ZNF316: variants seen among roughly 807,000 people sequenced by gnomAD.
The protein encoded by ZNF316 is zinc finger protein 316.
A neutral mutation model predicts 75.6 loss-of-function variants in ZNF316; 23 were observed. That is an observed-to-expected ratio of 0.30 (90% CI 0.22 to 0.43). ZNF316 has a LOEUF of 0.43. ZNF316 is among the 20% of genes least tolerant of loss of function. The pLI is 1.00. For synonymous variants in ZNF316, 827 were observed against 666.2 expected, an observed-to-expected ratio of 1.24 and a Z score of -3.72; for missense variants, 1,266 against 1,409.4, an observed-to-expected ratio of 0.90 and a Z score of 1.63.
At position 6,644,473 on chromosome 7, in the gene ZNF316, C is replaced by CT. The variant is rs1296110471; in HGVS notation, c.593-6dup. 8.1e-7 allele frequency: 1 copy of CT among 1,231,070 alleles called. No individual in the cohort carries two copies. The highest frequency in any genetic ancestry group is 1.6e-5 in the African/African-American group (1 of 64,042). The allele number at this position is 1,231,070 out of a possible 1,614,324, so 76.3% of individuals were successfully genotyped here. On this transcript the variant is annotated splice_polypyrimidine_tract_variant and splice_region_variant and intron_variant, in intron 7 of 8. Coordinates refer to ENST00000382252, the MANE Select transcript of ZNF316 (RefSeq NM_001278559.2). ...CCGCCTGCAGCCGCCGTCTGTTCTC[C>CT]TGGCAGGATACCCAATTCCCAAGCC...
At chr7:6,644,755 C>T (rs539896168) in intron 8 of ZNF316, among the ~76,000 whole-genome samples, 162 bp downstream of exon 8, 1 of 152,266 alleles carries the variant, frequency 6.6e-6, no homozygotes, top group African/African-American at 2.4e-5. Flanking sequence ...CAGAAAGGTC[C>T]GAGGGCTGTA....
At chr7:6,641,990 G>C (rs1779318866) in intron 4 of ZNF316, 28 bp downstream of exon 4, 1 of 160,168 alleles carries the variant, frequency 6.2e-6, no homozygotes, top group Non-Finnish European at 1.4e-5. Flanking sequence ...CTGTGTATCA[G>C]GTGGGCTTTT....
At position 6,639,004 on chromosome 7, in the gene ZNF316, T is replaced by A. The variant is rs558160013; in HGVS notation, c.-266-38T>A. 2 of 152,218 alleles carry A rather than the reference T, an allele frequency of 1.3e-5. No homozygotes were observed. Among genetic ancestry groups the A allele is most frequent in the Non-Finnish European group, 2.9e-5 (2 of 68,068 alleles). 9.4% of individuals were successfully genotyped at this position (152,218 alleles called of 1,614,324 possible). ...AAACCATTATGTTCTGAATCTTGGG[T>A]TGGGGACGATGTCTGGCTGTGCTTC... On this transcript the variant is annotated intron_variant, in intron 2 of 8. Coordinates refer to ENST00000382252, the MANE Select transcript of ZNF316 (RefSeq NM_001278559.2). The surrounding 1 kb of genome is among the most constrained non-coding windows in gnomAD (Gnocchi z 4.2).
intron 8 of ZNF316, among the ~76,000 whole-genome samples, chr7:6,647,989 G>A (rs1476681516): frequency 6.6e-6 from 1 of 152,210 alleles, no homozygotes; most frequent in African/African-American, 2.4e-5. Flanking sequence ...TGTGCTGCTG[G>A]GGACATTGGT....
At position 6,654,617 on chromosome 7, in the gene ZNF316, C is replaced by G. The variant is rs896805911; in HGVS notation, c.*6C>G. On this transcript the variant is annotated 3_prime_UTR_variant, in exon 9 of 9. Transcript: ENST00000382252. Reference sequence around the variant, plus strand: ...ACCGGGAGGGCGTCCTGTGAGGGGCCCGGGGCCGACAGCAGCGCAGCCTGC... The same window carrying G: ...ACCGGGAGGGCGTCCTGTGAGGGGCGCGGGGCCGACAGCAGCGCAGCCTGC... 5.1e-6 allele frequency: 6 copies of G among 1,184,890 alleles called. No homozygotes were observed. The highest frequency in any genetic ancestry group is 6.3e-6 in the Non-Finnish European group (6 of 957,730). The allele number at this position is 1,184,890 out of a possible 1,614,324, so 73.4% of individuals were successfully genotyped here.
Position 6,652,497 on chromosome 7 carries a change from C to G in ZNF316, c.901C>G (p.Pro301Ala), listed in dbSNP as rs1779525449. 1 of 1,231,376 alleles carries G rather than the reference C, an allele frequency of 8.1e-7. No individual in the cohort carries two copies. 76.3% of individuals were successfully genotyped at this position (1,231,376 alleles called of 1,614,324 possible). Residue 301 changes from proline to alanine, a missense_variant, in exon 9 of 9, where the codon CCA becomes GCA. Pro to Ala is a conservative substitution (Grantham distance 27). Transcript: ENST00000382252. Reference sequence around the variant, plus strand: ...GACTCCAGAGGGGTGGGGACCCGACCCAGGCGGCCTGGGGGTCCTGGCCGA... The same window carrying G: ...GACTCCAGAGGGGTGGGGACCCGACGCAGGCGGCCTGGGGGTCCTGGCCGA... Reference protein sequence around the residue: ...AQTPEGWGPDPGGLGVLADGS... With the variant: ...AQTPEGWGPDAGGLGVLADGS...
rs1583447675 is a variant in ZNF316 at position 6,653,595 on chromosome 7, G to A, written c.1999G>A (p.Ala667Thr). The part of the protein sequence containing the change: ...GAAGGGGGLR[A>T]FGPAIGGLLA... Reference sequence around the variant, plus strand: ...CGCGGGCGGCGGAGGCGGCCTGCGCGCGTTCGGGCCCGCCATCGGGGGTCT... The same window carrying A: ...CGCGGGCGGCGGAGGCGGCCTGCGCACGTTCGGGCCCGCCATCGGGGGTCT... Residue 667 changes from alanine to threonine, a missense_variant, in exon 9 of 9, where the codon GCG (alanine) becomes ACG (threonine). Coordinates refer to ENST00000382252, the MANE Select transcript of ZNF316 (RefSeq NM_001278559.2). 2 of 1,066,318 alleles carry A rather than the reference G, an allele frequency of 1.9e-6. No homozygotes were observed. The highest frequency in any genetic ancestry group is 1.7e-5 in the African/African-American group (1 of 58,096). 66.1% of individuals were successfully genotyped at this position (1,066,318 alleles called of 1,614,324 possible).
At position 6,653,215 on chromosome 7, in the gene ZNF316, C is replaced by G. The variant is rs1779545841; in HGVS notation, c.1619C>G (p.Ser540Cys). 2 of 1,222,902 alleles carry G rather than the reference C, an allele frequency of 1.6e-6. No individual in the cohort carries two copies. Among genetic ancestry groups the G allele is most frequent in the South Asian group, 4.1e-5 (1 of 24,288 alleles). 75.8% of individuals were successfully genotyped at this position (1,222,902 alleles called of 1,614,324 possible). The change falls in exon 9 of 9, where the codon TCT (serine) becomes TGT (cysteine). Residue 540 changes from serine (S) to cysteine (C), a missense_variant. Coordinates refer to ENST00000382252, the MANE Select transcript of ZNF316 (RefSeq NM_001278559.2). The stretch of plus-strand genomic sequence containing the variant: ...GACACGGACCCTGGGCCAGAGGGAT[C>G]TGAAGTTGGCGAGGCGGACGGAGAG... ...PEDTDPGPEGSEVGEADGEAE... is the reference protein window; with the variant it reads ...PEDTDPGPEGCEVGEADGEAE...
chr7:6,643,280 G>A (rs77354547), intron 6 of ZNF316, among the ~76,000 whole-genome samples: 183 of 152,296 alleles, frequency 1.2e-3, no homozygotes, highest in African/African-American at 4.3e-3. Context: ...TTTCCTGGGC[G>A]TTGGGTTGTC....
In ZNF316 at chr7:6,653,146, C is replaced by T. The variant is rs907717984; in HGVS notation, c.1550C>T (p.Pro517Leu). The T allele has an allele frequency of 4.2e-6, 5 of 1,177,526 alleles. No homozygotes were observed. In the African/African-American group the frequency reaches 4.8e-5, roughly 11 times the overall value. The allele number at this position is 1,177,526 out of a possible 1,614,324, so 72.9% of individuals were successfully genotyped here. ...TGCGCGGAGGCGGGTGGTGACGGCC[C>T]CCGGCGGGAGCCCGGCGAGACGGCG... is the stretch of plus-strand genomic sequence containing the variant. Reference protein sequence around the residue: ...GGCAEAGGDGPRREPGETAAA... With the variant: ...GGCAEAGGDGLRREPGETAAA... The change falls in exon 9 of 9, where the codon CCC becomes CTC. Residue 517 changes from proline (P) to leucine (L), a missense_variant. This residue lies in a region of ZNF316 where 961 missense variants were observed against 990.9 expected (regional missense o/e 0.97). Transcript: ENST00000382252.
rs1338126552 is a variant in ZNF316, at chr7:6,654,539, C to T, written c.2943C>T (p.Gly981=). 300 of 1,182,646 alleles carry T rather than the reference C, an allele frequency of 2.5e-4. No homozygotes were observed. Among genetic ancestry groups the T allele is most frequent in the Non-Finnish European group, 3.0e-4 (288 of 956,468 alleles). The allele number at this position is 1,182,646 out of a possible 1,614,324, so 73.3% of individuals were successfully genotyped here. A position where few individuals can be genotyped will look rare whatever the true frequency, so the allele number is the denominator to read the frequency against. ...RGSALLEFAG[G]TSFGSEHQAA... is the part of the protein sequence containing the mutation. ...GCGCCCTGCTGGAGTTCGCGGGCGG[C>T]ACAAGCTTCGGCTCCGAGCACCAGG... Residue 981 remains glycine, a synonymous_variant, in exon 9 of 9, where the codon GGC becomes GGT. Transcript: ENST00000382252.
intron 2 of ZNF316, among the ~76,000 whole-genome samples, chr7:6,638,348 G>A (rs1397902841): frequency 1.3e-5 from 2 of 152,134 alleles, no homozygotes; most frequent in Non-Finnish European, 2.9e-5. Context: ...TGTGGTGGTC[G>A]GGGAAGGAAG....
intron 8 of ZNF316, among the ~76,000 whole-genome samples, chr7:6,647,466 C>T (rs1779426784): frequency 1.3e-5 from 2 of 152,232 alleles, no homozygotes; most frequent in South Asian, 2.1e-4. Context: ...CGACTGTCCC[C>T]CGTGAGAGAA....
rs1340645685 is a variant in ZNF316 at position 6,637,903 on chromosome 7, C to T, written c.-373C>T. The T allele has an allele frequency of 1.3e-5, 2 of 152,356 alleles. No individual in the cohort carries two copies. Among genetic ancestry groups the T allele is most frequent in the Admixed American group, 1.3e-4 (2 of 15,308 alleles). The allele number at this position is 152,356 out of a possible 1,614,324, so 9.4% of individuals were successfully genotyped here. A position where few individuals can be genotyped will look rare whatever the true frequency, so the allele number is the denominator to read the frequency against. On this transcript the variant is annotated 5_prime_UTR_variant, in exon 2 of 9. Coordinates refer to ENST00000382252, the MANE Select transcript of ZNF316 (RefSeq NM_001278559.2). This position sits in a 1 kb window ranked among gnomAD's most constrained non-coding sequence, Gnocchi z 6.2. ...CCTGGGGGGCGGGAGGCGCTCGGCCCGTCGCCCCAGGAGCCCGCTTTGTGA... is the reference window on the plus strand; with the variant it reads ...CCTGGGGGGCGGGAGGCGCTCGGCCTGTCGCCCCAGGAGCCCGCTTTGTGA...
Position 6,653,426 on chromosome 7 carries a change from G to A in ZNF316, c.1830G>A (p.Pro610=), listed in dbSNP as rs1779552866. ...TGCACCCCAAGTCCTGGCTGCACCC[G>A]GACAGCTTCCCGATCCTGGGCCTAC... ...FPVHPKSWLH[P]DSFPILGLPD... The change falls in exon 9 of 9, where the codon CCG becomes CCA. Residue 610 remains proline, a synonymous_variant. Transcript: ENST00000382252. 2.0e-5 allele frequency: 25 copies of A among 1,228,096 alleles called. No homozygotes were observed. Among genetic ancestry groups the A allele is most frequent in the Non-Finnish European group, 2.4e-5 (24 of 986,028 alleles). The allele number at this position is 1,228,096 out of a possible 1,614,324, so 76.1% of individuals were successfully genotyped here.
At position 6,642,340 on chromosome 7, in the gene ZNF316, G is replaced by A. The variant is rs759716840; in HGVS notation, c.-28-42G>A. 197 of 1,052,854 alleles carry A rather than the reference G, an allele frequency of 1.9e-4. No individual in the cohort carries two copies. Among genetic ancestry groups the A allele is most frequent in the Non-Finnish European group, 2.2e-4 (182 of 825,076 alleles). 65.2% of individuals were successfully genotyped at this position (1,052,854 alleles called of 1,614,324 possible). A position where few individuals can be genotyped will look rare whatever the true frequency, so the allele number is the denominator to read the frequency against. ...AGACCCTGTGAGGGGACCGTGTGGTGTGCTGAGAGCAGCCCGTCACTGGCG... is the reference window on the plus strand; with the variant it reads ...AGACCCTGTGAGGGGACCGTGTGGTATGCTGAGAGCAGCCCGTCACTGGCG... On this transcript the variant is annotated intron_variant, in intron 4 of 8. Coordinates refer to ENST00000382252, the MANE Select transcript of ZNF316 (RefSeq NM_001278559.2). The surrounding 1 kb of genome is among the most constrained non-coding windows in gnomAD (Gnocchi z 8.1).
intron 8 of ZNF316, among the ~76,000 whole-genome samples, chr7:6,646,378 C>T (rs539010242): frequency 6.6e-6 from 1 of 152,328 alleles, no homozygotes; most frequent in East Asian, 1.9e-4. Flanking sequence ...ACCTGCGGGG[C>T]CCGTCCCTCA....
intron 8 of ZNF316, among the ~76,000 whole-genome samples, chr7:6,647,548 C>T (rs1232608048): frequency 2.0e-5 from 3 of 152,210 alleles, no homozygotes; most frequent in Admixed American, 1.3e-4. Context: ...GGGGAGGGAG[C>T]AGGTGTTGGC....
chr7:6,653,408 C>G lies in ZNF316; in HGVS notation c.1812C>G (p.Pro604=), dbSNP rs1583447462. Residue 604 remains proline (P), a synonymous_variant, in exon 9 of 9, where the codon CCC becomes CCG. Transcript: ENST00000382252. The part of the protein sequence containing the change: ...HPLGFHFPVH[P]KSWLHPDSFP... ...TGGGCTTCCACTTCCCCGTGCACCC[C>G]AAGTCCTGGCTGCACCCGGACAGCT... 3.3e-6 allele frequency: 4 copies of G among 1,227,704 alleles called. No individual in the cohort carries two copies. Among genetic ancestry groups the G allele is most frequent in the Admixed American group, 4.3e-5 (1 of 23,498 alleles). 76.1% of individuals were successfully genotyped at this position (1,227,704 alleles called of 1,614,324 possible).
Sources: gnomAD v4.1 joint callset for allele counts (sites outside exome capture counted in the v4.1 genomes callset) on GRCh38, gnomAD v4.1.1 for gene constraint, gnomAD v4.1.1 regional missense constraint, Gnocchi (gnomAD v3.1) non-coding constraint, MANE v1.5 for transcripts, NCBI Gene and HGNC (gene_info 2026-07-23, HGNC 2026-07-21) for gene names.